Variants in RERG observed in about 807,000 individuals in gnomAD.
RERG encodes RAS like estrogen regulated growth inhibitor, also known as ras-related and estrogen-regulated growth inhibitor.
Under a neutral mutation model 23.2 loss-of-function variants are expected in RERG, and 25 were observed. The observed-to-expected ratio is 1.08, with a 90% confidence interval of 0.79 to 1.50. The LOEUF (loss-of-function observed/expected upper bound fraction) is 1.50, where lower values mean the gene tolerates loss of function less well. Among genes scored for constraint, RERG ranks in the 40% most tolerant of loss-of-function variants. The pLI is 0.00. For missense variants in RERG, 253 were observed against 250.1 expected, an observed-to-expected ratio of 1.01 and a Z score of -0.08; for synonymous variants, 81 against 89.1, an observed-to-expected ratio of 0.91 and a Z score of 0.51.
At chr12:15,129,591 AG>A (rs1864008634) in intron 2 of RERG, among the ~76,000 whole-genome samples, 1 of 152,122 alleles carries the variant, frequency 6.6e-6, no homozygotes, top group Non-Finnish European at 1.5e-5. Context: ...ATTAAAGCTA[AG>A]CCATAAGCTG....
At chr12:15,160,905 G>C (rs1864594524) in intron 2 of RERG, among the ~76,000 whole-genome samples, 1 of 151,758 alleles carries the variant, frequency 6.6e-6, no homozygotes, top group Non-Finnish European at 1.5e-5. Flanking sequence ...GGGAGGCCGA[G>C]GCAGGCAGAT....
intron 2 of RERG, among the ~76,000 whole-genome samples, chr12:15,207,976 T>C (rs1865315659): frequency 6.6e-6 from 1 of 152,170 alleles, no homozygotes. Flanking sequence ...TATCCATTGA[T>C]TCAATCAAAC....
At chr12:15,152,251 G>C (rs1864455704) in intron 2 of RERG, among the ~76,000 whole-genome samples, 1 of 152,112 alleles carries the variant, frequency 6.6e-6, no homozygotes, top group Non-Finnish European at 1.5e-5. Flanking sequence ...TCATTGCTAA[G>C]GAAAACTAGT....
chr12:15,202,403 C>G (rs1439382739), intron 2 of RERG, among the ~76,000 whole-genome samples: 2 of 151,798 alleles, frequency 1.3e-5, no homozygotes, highest in Non-Finnish European at 3.0e-5. Flanking sequence ...AGAACTTACT[C>G]ATCAAGAATA....
chr12:15,180,818 T>C (rs1186432661), intron 2 of RERG, among the ~76,000 whole-genome samples: 1 of 152,146 alleles, frequency 6.6e-6, no homozygotes, highest in African/African-American at 2.4e-5. Flanking sequence ...GCTTTGTGAG[T>C]AGGAAGCAGA....
chr12:15,182,804 G>A (rs2136129914), intron 2 of RERG, among the ~76,000 whole-genome samples: 1 of 152,264 alleles, frequency 6.6e-6, no homozygotes, highest in East Asian at 1.9e-4. Context: ...GCCTTGTGTG[G>A]TGGCTTAAGA....
At chr12:15,183,900 A>G (rs1201978825) in intron 2 of RERG, among the ~76,000 whole-genome samples, 1 of 152,176 alleles carries the variant, frequency 6.6e-6, no homozygotes, top group East Asian at 1.9e-4. Flanking sequence ...CATCTTCCAT[A>G]AAGAGTAGAA....
intron 2 of RERG, among the ~76,000 whole-genome samples, chr12:15,204,646 C>A (rs1246924184): frequency 1.3e-5 from 2 of 151,958 alleles, no homozygotes; most frequent in Admixed American, 1.3e-4. Flanking sequence ...GTATTTCAAA[C>A]TTACTGCCTC....
chr12:15,134,690 T>C (rs904338370), intron 2 of RERG, among the ~76,000 whole-genome samples: 19 of 151,984 alleles, frequency 1.3e-4, no homozygotes, highest in East Asian at 3.9e-4. Context: ...TCTTGACTCA[T>C]TGCAACCTCC....
At chr12:15,128,366 A>T (rs1334338455) in intron 2 of RERG, among the ~76,000 whole-genome samples, 1 of 152,244 alleles carries the variant, frequency 6.6e-6, no homozygotes, top group African/African-American at 2.4e-5. Context: ...GCGATGAAGC[A>T]GTATGCTAAA....
intron 3 of RERG, among the ~76,000 whole-genome samples, chr12:15,120,815 C>CAA (rs1863817813): frequency 1.3e-5 from 2 of 152,100 alleles, no homozygotes; most frequent in Non-Finnish European, 2.9e-5. Context: ...GTGTGTTGTA[C>CAA]CCACTTCCTT....
intron 2 of RERG, among the ~76,000 whole-genome samples, chr12:15,167,058 G>A (rs7980601): frequency 0.075 from 11,477 of 152,148 alleles, 529 homozygotes; most frequent in East Asian, 0.25. Flanking sequence ...TTATTAAGCC[G>A]ACAATGCATA....
rs1461640560 is a variant in RERG, at chr12:15,108,933, C to T, written c.*177G>A. ...AAGCAGGAAAGGAAGAAATTGTTAG[C>T]ACTGAAATTGCATAAAACACGCTAA... On this transcript the variant is annotated 3_prime_UTR_variant, in exon 5 of 5. Transcript: ENST00000256953. 2 of 576,364 alleles carry T rather than the reference C, an allele frequency of 3.5e-6. No individual in the cohort carries two copies. Among genetic ancestry groups the T allele is most frequent in the Non-Finnish European group, 6.0e-6 (2 of 333,706 alleles). The allele number at this position is 576,364 out of a possible 1,614,324, so 35.7% of individuals were successfully genotyped here. A position where few individuals can be genotyped will look rare whatever the true frequency, so the allele number is the denominator to read the frequency against.
chr12:15,211,075 C>T (rs1356586868), intron 2 of RERG, among the ~76,000 whole-genome samples: 2 of 152,058 alleles, frequency 1.3e-5, no homozygotes, highest in Non-Finnish European at 2.9e-5. Flanking sequence ...TGTTAAGGGG[C>T]CATGCAAGCT....
At chr12:15,202,390 T>A (rs983272508) in intron 2 of RERG, among the ~76,000 whole-genome samples, 5 of 151,770 alleles carry the variant, frequency 3.3e-5, no homozygotes, top group African/African-American at 1.2e-4. Context: ...AAAGCAGATA[T>A]CCAGAACTTA....
chr12:15,207,053 G>A (rs7979568), intron 2 of RERG, among the ~76,000 whole-genome samples: 1,797 of 152,156 alleles, frequency 0.012, 32 homozygotes, highest in African/African-American at 0.04. Flanking sequence ...CAGTGTTAAC[G>A]TGCCTGCACC....
intron 2 of RERG, among the ~76,000 whole-genome samples, chr12:15,168,532 TAA>T (rs567294070): frequency 7.6e-4 from 116 of 152,298 alleles, no homozygotes; most frequent in African/African-American, 2.5e-3. Context: ...TCATAAGTCT[TAA>T]AAGAGTCAAG....
At position 15,192,425 on chromosome 12, in the gene RERG, AT is replaced by A. The variant is rs552530367; in HGVS notation, c.61+25003del. On this transcript the variant is annotated intron_variant, in intron 2 of 4. Coordinates refer to ENST00000256953, the MANE Select transcript of RERG (RefSeq NM_032918.3). The stretch of plus-strand genomic sequence containing the variant: ...TAGCCTAACACAACACCTTACAGTT[AT>A]TTTTTTACAGGGTTAAAATGTATTT... 4.1e-4 allele frequency among the ~76,000 whole-genome samples: 62 copies of A among 152,194 alleles called. No individual in the cohort carries two copies. The South Asian group carries it at 0.012, about 31-fold the overall frequency.
intron 2 of RERG, among the ~76,000 whole-genome samples, chr12:15,149,287 C>T (rs1007009063): frequency 6.6e-6 from 1 of 152,100 alleles, no homozygotes; most frequent in African/African-American, 2.4e-5. Context: ...TTTTTTATCA[C>T]TTCATCTCAG....
Sources: gnomAD v4.1 joint callset for allele counts (sites outside exome capture counted in the v4.1 genomes callset) on GRCh38, gnomAD v4.1.1 for gene constraint, MANE v1.5 for transcripts, NCBI Gene and HGNC (gene_info 2026-07-23, HGNC 2026-07-21) for gene names.